Variants in CSMD1 observed in about 807,000 individuals in gnomAD.
CSMD1 encodes the protein CUB and sushi domain-containing protein 1.
CSMD1 carries 213 observed loss-of-function variants against 417.5 expected under a neutral mutation model. That is an observed-to-expected ratio of 0.51 (90% CI 0.46 to 0.57). The LOEUF (loss-of-function observed/expected upper bound fraction) is 0.57, where lower values mean the gene tolerates loss of function less well. Ranked by LOEUF, CSMD1 falls within the 20% of genes least tolerant of loss-of-function variation. The pLI, the probability that CSMD1 is intolerant of heterozygous loss-of-function variation, is 0.00. For synonymous variants in CSMD1, 2,862 were observed against 1,736.8 expected, an observed-to-expected ratio of 1.65 and a Z score of -16.11; for missense variants, 6,923 against 4,529.7, an observed-to-expected ratio of 1.53 and a Z score of -15.17.
intron 6 of CSMD1, among the ~76,000 whole-genome samples, chr8:3,739,534 A>G (rs1267668114): frequency 6.6e-6 from 1 of 152,130 alleles, no homozygotes; most frequent in African/African-American, 2.4e-5. Flanking sequence ...TAATTATTAC[A>G]CGTCAATTGA....
intron 1 of CSMD1, among the ~76,000 whole-genome samples, chr8:4,685,534 C>T (rs1411576273): frequency 2.6e-5 from 4 of 152,060 alleles, no homozygotes; most frequent in Non-Finnish European, 5.9e-5. Context: ...CGAGATCACA[C>T]CACTGCACTG....
rs751212271 is a variant in CSMD1, at chr8:4,173,235, C to T, written c.416-141136G>A. 3.7e-4 allele frequency among the ~76,000 whole-genome samples: 56 copies of T among 152,102 alleles called. 1 individual carries two copies. The highest frequency in any genetic ancestry group is 1.2e-4 in the Non-Finnish European group (8 of 68,032). ...ACGACCAATAACTCTTTAATGCAAG[C>T]TTGTCTCACGCAACATTTGGAATGT... is the stretch of plus-strand genomic sequence containing the variant. On this transcript the variant is annotated intron_variant, in intron 3 of 69. Coordinates refer to ENST00000635120, the MANE Select transcript of CSMD1 (RefSeq NM_033225.6).
rs543290584 is a variant in CSMD1, at chr8:4,815,979, A to T, written c.85+178353T>A. On this transcript the variant is annotated intron_variant, in intron 1 of 69. Transcript: ENST00000635120. ...TTGAAAACGGAAAAATGAGAAAGGCATTCCAGAAATGAAAAGTACAAAAAT... is the reference window on the plus strand; with the variant it reads ...TTGAAAACGGAAAAATGAGAAAGGCTTTCCAGAAATGAAAAGTACAAAAAT... Among the ~76,000 whole-genome samples the T allele has an allele frequency of 1.2e-4, 18 of 152,260 alleles. No homozygotes were observed. The South Asian group carries it at 3.3e-3, about 28-fold the overall frequency.
intron 69 of CSMD1, among the ~76,000 whole-genome samples, chr8:2,939,235 C>T (rs1210354818): frequency 1.3e-5 from 2 of 152,202 alleles, no homozygotes; most frequent in South Asian, 4.1e-4. Flanking sequence ...AGACACGAAA[C>T]TTTCTACTAC....
At chr8:3,452,551 C>G (rs574372578) in intron 12 of CSMD1, among the ~76,000 whole-genome samples, 18 of 152,200 alleles carry the variant, frequency 1.2e-4, no homozygotes, top group African/African-American at 4.1e-4. Flanking sequence ...TGTCAAAGGC[C>G]TTTTCTGCAT....
chr8:4,850,036 A>G lies in CSMD1; in HGVS notation c.85+144296T>C, dbSNP rs145956145. The stretch of plus-strand genomic sequence containing the variant: ...TAATTTCTCCACATCTGTGTTACGT[A>G]CGTACTATACTTGGCTTTTTTTATT... On this transcript the variant is annotated intron_variant, in intron 1 of 69. Transcript: ENST00000635120. Among the ~76,000 whole-genome samples, 370 of 152,292 alleles carry G rather than the reference A, an allele frequency of 2.4e-3. 2 individuals carry two copies. Among genetic ancestry groups the G allele is most frequent in the African/African-American group, 8.6e-3 (356 of 41,556 alleles).
At chr8:4,624,796 T>C (rs1046153196) in intron 2 of CSMD1, among the ~76,000 whole-genome samples, 6 of 152,134 alleles carry the variant, frequency 3.9e-5, no homozygotes, top group African/African-American at 1.2e-4. Context: ...CCTAGTCAAG[T>C]CCAGAAAGTG....
chr8:3,906,025 C>G (rs1025291175), intron 5 of CSMD1, among the ~76,000 whole-genome samples: 1 of 152,144 alleles, frequency 6.6e-6, no homozygotes, highest in African/African-American at 2.4e-5. Context: ...ATTTTCCCCG[C>G]TTTTCAAAAC....
At chr8:4,130,779 A>G (rs1803053235) in intron 3 of CSMD1, among the ~76,000 whole-genome samples, 1 of 151,950 alleles carries the variant, frequency 6.6e-6, no homozygotes, top group South Asian at 2.1e-4. Flanking sequence ...TCTTTGTAAC[A>G]AAATCTGTCA....
At chr8:3,990,834 G>A (rs1019449885) in intron 5 of CSMD1, among the ~76,000 whole-genome samples, 1 of 152,156 alleles carries the variant, frequency 6.6e-6, no homozygotes, top group East Asian at 1.9e-4. Flanking sequence ...GCTCCTGGTA[G>A]TGAATCAGAG....
chr8:3,469,961 T>G (rs1816993179), intron 11 of CSMD1, among the ~76,000 whole-genome samples: 1 of 152,172 alleles, frequency 6.6e-6, no homozygotes, highest in African/African-American at 2.4e-5. Context: ...GAAGAGAGAT[T>G]TTTTTCTTTC....
chr8:3,794,608 A>G (rs1332531431), intron 5 of CSMD1, among the ~76,000 whole-genome samples: 12 of 111,270 alleles, frequency 1.1e-4, no homozygotes, highest in Non-Finnish European at 2.4e-4. Flanking sequence ...TTCTCGATAT[A>G]TTAATAATTA....
At chr8:3,706,061 C>G (rs80081705) in intron 7 of CSMD1, among the ~76,000 whole-genome samples, 1 of 152,202 alleles carries the variant, frequency 6.6e-6, no homozygotes, top group East Asian at 1.9e-4. Flanking sequence ...GCCTAAGGCA[C>G]GCATGACGCG....
chr8:3,707,939 G>T (rs193282238), intron 7 of CSMD1, among the ~76,000 whole-genome samples: 1 of 152,276 alleles, frequency 6.6e-6, no homozygotes, highest in South Asian at 2.1e-4. Context: ...AGCCAGACAT[G>T]TCTGCAGATC....
chr8:3,696,266 A>T (rs1800546423), intron 7 of CSMD1, among the ~76,000 whole-genome samples: 1 of 152,232 alleles, frequency 6.6e-6, no homozygotes, highest in Non-Finnish European at 1.5e-5. Flanking sequence ...TCCTGCAAGT[A>T]TTCTAATAAT....
intron 1 of CSMD1, among the ~76,000 whole-genome samples, chr8:4,836,802 G>A (rs573633654): frequency 9.2e-5 from 14 of 151,936 alleles, no homozygotes; most frequent in South Asian, 8.4e-4. Context: ...TGATGTAATC[G>A]GGCCCTGTGT....
chr8:3,136,294 T>A (rs949759085), intron 41 of CSMD1, among the ~76,000 whole-genome samples: 18 of 150,272 alleles, frequency 1.2e-4, no homozygotes, highest in African/African-American at 4.2e-4. Flanking sequence ...TTTCGCTCTG[T>A]CACCCAGACT....
At chr8:3,999,090 T>C (rs2130349163) in intron 4 of CSMD1, among the ~76,000 whole-genome samples, 1 of 151,294 alleles carries the variant, frequency 6.6e-6, no homozygotes, top group South Asian at 2.1e-4. Flanking sequence ...AGAAGTATTT[T>C]AAAATAACAT....
intron 4 of CSMD1, among the ~76,000 whole-genome samples, chr8:4,005,301 TA>T (rs773925551): frequency 1.3e-5 from 2 of 151,878 alleles, no homozygotes; most frequent in African/African-American, 2.4e-5. Flanking sequence ...AATAAAATAA[TA>T]AAAAAAGTTT....
Sources: allele counts gnomAD v4.1 joint callset (sites outside exome capture counted in the v4.1 genomes callset), GRCh38; gene constraint gnomAD v4.1.1; transcripts MANE v1.5; gene names NCBI Gene and HGNC (gene_info 2026-07-23, HGNC 2026-07-21).